Variants in HCN1 observed in about 807,000 individuals in gnomAD.
HCN1 encodes the protein hyperpolarization activated cyclic nucleotide gated potassium channel 1, also known as potassium/sodium hyperpolarization-activated cyclic nucleotide-gated channel 1.
Under a neutral mutation model 78.9 loss-of-function variants are expected in HCN1, and 13 were observed. The ratio of observed to expected loss-of-function variants is 0.16; its 90% CI spans 0.11 to 0.26. The LOEUF (loss-of-function observed/expected upper bound fraction) is 0.26. Among genes scored for constraint, HCN1 ranks in the 10% least tolerant of loss-of-function variants. HCN1 has a pLI of 1.00. For missense variants in HCN1, 810 were observed against 1,154.3 expected (o/e 0.70, Z 4.32); for synonymous variants, 552 against 455.5 (o/e 1.21, Z -2.70).
Position 45,257,158 on chromosome 5 carries a change from A to T in HCN1, c.*4763T>A, listed in dbSNP as rs1256426495. ...TTACATTAGCAAAACAGACATTTCAATGTGAATCCTCCCCGTTGATAAGCT... is the reference window on the plus strand; with the variant it reads ...TTACATTAGCAAAACAGACATTTCATTGTGAATCCTCCCCGTTGATAAGCT... On this transcript the variant is annotated 3_prime_UTR_variant, in exon 8 of 8. Transcript: ENST00000303230. 1 of 152,198 alleles carries T rather than the reference A, an allele frequency of 6.6e-6. No homozygotes were observed. Among genetic ancestry groups the T allele is most frequent in the African/African-American group, 2.4e-5 (1 of 41,462 alleles). The allele number at this position is 152,198 out of a possible 1,614,324, so 9.4% of individuals were successfully genotyped here.
At chr5:45,604,157 C>T (rs1744679806) in intron 2 of HCN1, among the ~76,000 whole-genome samples, 2 of 152,048 alleles carry the variant, frequency 1.3e-5, no homozygotes, top group African/African-American at 4.8e-5. Flanking sequence ...AATAACCCAG[C>T]TGCCAATAAT....
chr5:45,545,822 T>A (rs192173418), intron 2 of HCN1, among the ~76,000 whole-genome samples: 1 of 152,198 alleles, frequency 6.6e-6, no homozygotes, highest in African/African-American at 2.4e-5. Context: ...CTTGAGACAC[T>A]CTTCCCCTTT....
chr5:45,554,138 G>A (rs967593277), intron 2 of HCN1, among the ~76,000 whole-genome samples: 1 of 151,796 alleles, frequency 6.6e-6, no homozygotes, highest in Non-Finnish European at 1.5e-5. Context: ...CCAAAATGAA[G>A]TTCTAAATTT....
chr5:45,560,829 T>G (rs1183420386), intron 2 of HCN1, among the ~76,000 whole-genome samples: 2 of 152,098 alleles, frequency 1.3e-5, no homozygotes, highest in Non-Finnish European at 2.9e-5. Context: ...CATATTTTCT[T>G]TAAAGATTCA....
intron 2 of HCN1, among the ~76,000 whole-genome samples, chr5:45,513,863 G>A (rs754563618): frequency 2.1e-4 from 32 of 152,042 alleles, no homozygotes; most frequent in Admixed American, 5.9e-4. Context: ...CCCACATTAA[G>A]GTAGATACAT....
intron 2 of HCN1, chr5:45,644,150 A>G (rs1403900151): frequency 6.6e-6 from 1 of 152,168 alleles, no homozygotes; most frequent in Non-Finnish European, 1.5e-5. Context: ...CCATTTTATG[A>G]CATATTTAAA....
intron 2 of HCN1, among the ~76,000 whole-genome samples, chr5:45,622,112 C>T (rs112192876): frequency 2.6e-4 from 40 of 151,966 alleles, no homozygotes; most frequent in Middle Eastern, 3.4e-3. Flanking sequence ...GTCTCAGCTA[C>T]GCAGGAGGCT....
chr5:45,506,707 C>G (rs1250143479), intron 2 of HCN1, among the ~76,000 whole-genome samples: 1 of 152,060 alleles, frequency 6.6e-6, no homozygotes, highest in Non-Finnish European at 1.5e-5. Context: ...GCCTCTCCTT[C>G]AGGAAAAATT....
At chr5:45,538,282 G>A (rs1483308) in intron 2 of HCN1, among the ~76,000 whole-genome samples, 106,318 of 151,934 alleles carry the variant, frequency 0.7, 37,451 homozygotes, top group Middle Eastern at 0.82. Context: ...TCTAATTGCT[G>A]TGATGCAAAG....
intron 4 of HCN1, among the ~76,000 whole-genome samples, chr5:45,363,128 CAT>C (rs1442905523): frequency 2.4e-5 from 3 of 124,338 alleles, no homozygotes; most frequent in African/African-American, 9.7e-5. Flanking sequence ...ATATATATAA[CAT>C]ATTATATATA....
chr5:45,373,221 A>ATT (rs1747467831), intron 4 of HCN1, among the ~76,000 whole-genome samples: 1 of 121,382 alleles, frequency 8.2e-6, no homozygotes, highest in Non-Finnish European at 1.6e-5. Context: ...TGTTATATAT[A>ATT]ATATATATTT....
chr5:45,273,147 G>C (rs566153720), intron 6 of HCN1, among the ~76,000 whole-genome samples: 1 of 151,668 alleles, frequency 6.6e-6, no homozygotes, highest in African/African-American at 2.4e-5. Flanking sequence ...ATTTTAATTC[G>C]GTAGAATTTT....
intron 3 of HCN1, among the ~76,000 whole-genome samples, chr5:45,438,157 A>G (rs1740597020): frequency 6.6e-6 from 1 of 152,236 alleles, no homozygotes; most frequent in Admixed American, 6.5e-5. Context: ...ACAAAGTAGT[A>G]CCATTGGGAG....
rs1197975531 is a variant in HCN1, at chr5:45,312,316, G to T, written c.1378-8477C>A. ...AATACAAGAATGAAACAGCAATAAA[G>T]AATCTTGTTATTTGTTCTTTGGTTG... On this transcript the variant is annotated intron_variant, in intron 5 of 7. Coordinates refer to ENST00000303230, the MANE Select transcript of HCN1 (RefSeq NM_021072.4). 2.6e-5 allele frequency among the ~76,000 whole-genome samples: 4 copies of T among 152,136 alleles called. No homozygotes were observed. In the East Asian group the frequency reaches 7.7e-4, roughly 29 times the overall value.
At chr5:45,426,928 T>G (rs1740362899) in intron 3 of HCN1, among the ~76,000 whole-genome samples, 1 of 152,256 alleles carries the variant, frequency 6.6e-6, no homozygotes, top group African/African-American at 2.4e-5. Context: ...CTATGTCACA[T>G]GAAAGGTATA....
chr5:45,393,266 C>T (rs1483801391), intron 4 of HCN1, among the ~76,000 whole-genome samples: 1 of 152,132 alleles, frequency 6.6e-6, no homozygotes, highest in Non-Finnish European at 1.5e-5. Context: ...AAAATTCTTG[C>T]TCATTGCAGA....
At chr5:45,655,019 A>T (rs1745740395) in intron 1 of HCN1, among the ~76,000 whole-genome samples, 1 of 152,184 alleles carries the variant, frequency 6.6e-6, no homozygotes, top group South Asian at 2.1e-4. Flanking sequence ...TTAATACATA[A>T]GATGCCAATG....
At chr5:45,540,389 A>G (rs1364162327) in intron 2 of HCN1, among the ~76,000 whole-genome samples, 1 of 150,632 alleles carries the variant, frequency 6.6e-6, no homozygotes, top group African/African-American at 2.5e-5. Flanking sequence ...GTGCAGTGGC[A>G]TGATCATGGT....
At chr5:45,498,017 C>T (rs1177556643) in intron 2 of HCN1, among the ~76,000 whole-genome samples, 3 of 152,142 alleles carry the variant, frequency 2.0e-5, no homozygotes, top group African/African-American at 7.2e-5. Flanking sequence ...CTGCCCTTAA[C>T]ATTTTTTCCT....
Sources: gnomAD v4.1 joint callset for allele counts (sites outside exome capture counted in the v4.1 genomes callset) on GRCh38, gnomAD v4.1.1 for gene constraint, MANE v1.5 for transcripts, NCBI Gene and HGNC (gene_info 2026-07-23, HGNC 2026-07-21) for gene names.